Variants in CPHXL2 observed in about 807,000 individuals in gnomAD.
The protein encoded by CPHXL2 is cytoplasmic polyadenylated homeobox like 2.
chr16:75,666,425 G>A, the CPHXL2 span, among the ~76,000 whole-genome samples: 5 of 151,954 alleles, frequency 3.3e-5, no homozygotes, highest in African/African-American at 1.2e-4. Context: ...TTCAGGACCA[G>A]CCTGGCCAAT....
the CPHXL2 span, among the ~76,000 whole-genome samples, chr16:75,669,127 C>A: frequency 6.6e-6 from 1 of 152,100 alleles, no homozygotes; most frequent in African/African-American, 2.4e-5. Context: ...CCAGCCCGGG[C>A]AACATGGCAA....
At chr16:75,662,172 C>A in the CPHXL2 span, among the ~76,000 whole-genome samples, 1 of 152,214 alleles carries the variant, frequency 6.6e-6, no homozygotes, top group East Asian at 1.9e-4. Flanking sequence ...ATATGTTTGC[C>A]AGTTTGTTAC....
the CPHXL2 span, among the ~76,000 whole-genome samples, chr16:75,671,347 G>A: frequency 1.6e-5 from 2 of 125,474 alleles, no homozygotes; most frequent in African/African-American, 6.5e-5. Context: ...GAGTGATAGA[G>A]TAAGACTCTG....
At chr16:75,672,042 T>A in the CPHXL2 span, among the ~76,000 whole-genome samples, 1 of 149,912 alleles carries the variant, frequency 6.7e-6, no homozygotes, top group Non-Finnish European at 1.5e-5. Flanking sequence ...GAGCCTGAGG[T>A]GGGCGGATGA....
At chr16:75,661,488 A>G in the CPHXL2 span, among the ~76,000 whole-genome samples, 4,073 of 152,092 alleles carry the variant, frequency 0.027, 74 homozygotes, top group Non-Finnish European at 0.043. Context: ...GGAGACAGTG[A>G]CACCATGGTT....
At chr16:75,668,558 T>C in the CPHXL2 span, among the ~76,000 whole-genome samples, 2 of 152,126 alleles carry the variant, frequency 1.3e-5, no homozygotes, top group Non-Finnish European at 2.9e-5. Flanking sequence ...GTGTGTACAA[T>C]TTTCTCTCAA....
the CPHXL2 span, among the ~76,000 whole-genome samples, chr16:75,676,268 A>G: frequency 6.6e-6 from 1 of 152,160 alleles, no homozygotes; most frequent in Non-Finnish European, 1.5e-5. Flanking sequence ...ATTTCTGAAC[A>G]AAATCACAGA....
At chr16:75,664,347 C>T in the CPHXL2 span, among the ~76,000 whole-genome samples, 56 of 152,198 alleles carry the variant, frequency 3.7e-4, no homozygotes, top group Admixed American at 5.2e-4. Context: ...TATCTTCAGC[C>T]GGGTGCAGTG....
chr16:75,674,882 G>A, the CPHXL2 span, among the ~76,000 whole-genome samples: 1 of 151,608 alleles, frequency 6.6e-6, no homozygotes, highest in African/African-American at 2.4e-5. Flanking sequence ...ACTAATTTTT[G>A]TATTTTTAAT....
chr16:75,661,876 C>T, the CPHXL2 span, among the ~76,000 whole-genome samples: 1 of 152,158 alleles, frequency 6.6e-6, no homozygotes, highest in African/African-American at 2.4e-5. Context: ...CACAGAAAGA[C>T]TACTGTGAGC....
the CPHXL2 span, among the ~76,000 whole-genome samples, chr16:75,662,784 AGGGAGATAATTCTTTT>A: frequency 2.0e-5 from 3 of 150,942 alleles, no homozygotes; most frequent in East Asian, 5.9e-4. Context: ...GGTTTGAATA[AGGGAGATAATTCTTTT>A]TTTTTTTTTT....
chr16:75,669,932 T>C, the CPHXL2 span, among the ~76,000 whole-genome samples: 1 of 152,162 alleles, frequency 6.6e-6, no homozygotes, highest in Non-Finnish European at 1.5e-5. Context: ...AATTTATCTT[T>C]TATTTATTTA....
chr16:75,667,181 G>A, the CPHXL2 span, among the ~76,000 whole-genome samples: 17 of 151,976 alleles, frequency 1.1e-4, no homozygotes, highest in South Asian at 4.2e-4. Flanking sequence ...GTGTGGTAGC[G>A]TGTGCCTGTA....
At chr16:75,671,159 G>C in the CPHXL2 span, among the ~76,000 whole-genome samples, 1 of 152,184 alleles carries the variant, frequency 6.6e-6, no homozygotes, top group South Asian at 2.1e-4. Context: ...GAAGCCAGCA[G>C]ATAACTTGAG....
At chr16:75,671,169 G>C in the CPHXL2 span, among the ~76,000 whole-genome samples, 1 of 152,068 alleles carries the variant, frequency 6.6e-6, no homozygotes, top group Non-Finnish European at 1.5e-5. Context: ...GATAACTTGA[G>C]GTCAGGAGTT....
the CPHXL2 span, among the ~76,000 whole-genome samples, chr16:75,663,091 A>G: frequency 6.6e-6 from 1 of 152,154 alleles, no homozygotes; most frequent in Non-Finnish European, 1.5e-5. Flanking sequence ...TGAGCCACTC[A>G]CTGCGCCCGG....
chr16:75,662,459 A>G, the CPHXL2 span, among the ~76,000 whole-genome samples: 3 of 152,018 alleles, frequency 2.0e-5, no homozygotes, highest in South Asian at 2.1e-4. Context: ...GTGGGGCTGA[A>G]AGTCCCAACC....
the CPHXL2 span, among the ~76,000 whole-genome samples, chr16:75,667,196 CA>C: frequency 1.3e-5 from 2 of 151,054 alleles, no homozygotes; most frequent in Non-Finnish European, 2.9e-5. Flanking sequence ...CCTGTAGTCA[CA>C]GTTAGTCAGG....
At chr16:75,675,012 A>AAC in the CPHXL2 span, among the ~76,000 whole-genome samples, 1 of 151,454 alleles carries the variant, frequency 6.6e-6, no homozygotes, top group African/African-American at 2.4e-5. Flanking sequence ...AATATGGTGA[A>AAC]ACCCCGTCTC....
Sources: gnomAD v4.1 joint callset for allele counts (sites outside exome capture counted in the v4.1 genomes callset) on GRCh38, gnomAD v4.1.1 for gene constraint, MANE v1.5 for transcripts, NCBI Gene and HGNC (gene_info 2026-07-23, HGNC 2026-07-21) for gene names.